Variants in ZNF717 observed in about 807,000 individuals in gnomAD.
The protein encoded by ZNF717 is zinc finger protein 717.
A neutral mutation model predicts 13.8 loss-of-function variants in ZNF717; 9 were observed. The observed-to-expected ratio is 0.65, with a 90% CI of 0.39 to 1.14. The LOEUF (loss-of-function observed/expected upper bound fraction) is 1.14. Among genes scored for constraint, ZNF717 ranks in the 50% most tolerant of loss-of-function variants. The probability of loss-of-function intolerance (pLI) is 0.01; values close to 1 mark genes in which losing one functional copy is unlikely to be tolerated. For synonymous variants in ZNF717, 327 were observed against 364.1 expected (o/e 0.90, Z 1.16); for missense variants, 1,040 against 1,080.7 (o/e 0.96, Z 0.53).
rs1209012219 is a variant in ZNF717, at chr3:75,738,040, G to A, written c.1583C>T (p.Thr528Ile). 2 of 1,342,110 alleles carry A rather than the reference G, an allele frequency of 1.5e-6. No homozygotes were observed. Among genetic ancestry groups the A allele is most frequent in the Non-Finnish European group, 2.0e-6 (2 of 1,006,186 alleles). 83.1% of individuals were successfully genotyped at this position (1,342,110 alleles called of 1,614,324 possible). Residue 528 changes from threonine (T) to isoleucine (I), a missense_variant, in exon 5 of 5, where the codon ACT becomes ATT. Coordinates refer to ENST00000652011, the MANE Select transcript of ZNF717 (RefSeq NM_001290208.3). ...CKSFLTVHQR[T>I]HAGEKPYACN... Reference sequence around the variant, plus strand: ...TGCGTATGGTTTTTCCCCAGCATGAGTTCTCTGATGGACAGTGAGGAATGA... The same window carrying A: ...TGCGTATGGTTTTTCCCCAGCATGAATTCTCTGATGGACAGTGAGGAATGA...
At chr3:75,724,624 T>C (rs1938239912) in intron 4 of ZNF717, among the ~76,000 whole-genome samples, 1 of 152,256 alleles carries the variant, frequency 6.6e-6, no homozygotes, top group Non-Finnish European at 1.5e-5. Context: ...ATGAAAATTA[T>C]ATTTTTTACT....
chr3:75,719,210 G>C (rs76261742), intron 4 of ZNF717, among the ~76,000 whole-genome samples: 1 of 151,282 alleles, frequency 6.6e-6, no homozygotes, highest in South Asian at 2.1e-4. Flanking sequence ...TGGGAGGATT[G>C]CTTGAGCTCA....
intron 1 of ZNF717, 39 bp downstream of exon 1, chr3:75,785,345 C>G (rs1052410955): frequency 1.3e-5 from 2 of 153,722 alleles, no homozygotes; most frequent in African/African-American, 4.8e-5. Flanking sequence ...GGACCCCACG[C>G]CTGTCCTCCC....
chr3:75,708,137 C>T (rs1204540298), downstream of ZNF717, among the ~76,000 whole-genome samples: 9 of 152,230 alleles, frequency 5.9e-5, no homozygotes, highest in African/African-American at 1.2e-4. Flanking sequence ...GATCTGAGAA[C>T]GGGCAGACTG....
At chr3:75,740,095 GTTCC>G (rs1940184797) in intron 4 of ZNF717, among the ~76,000 whole-genome samples, 1 of 135,658 alleles carries the variant, frequency 7.4e-6, no homozygotes, top group Non-Finnish European at 1.7e-5. Context: ...TGTATTTCTG[GTTCC>G]TTCTGAGATC....
At chr3:75,704,816 A>T (rs1186475907), downstream of ZNF717, among the ~76,000 whole-genome samples, 1 of 152,308 alleles carries the variant, frequency 6.6e-6, no homozygotes, top group African/African-American at 2.4e-5. Context: ...TCTGACTTTT[A>T]TCTGATTGCT....
chr3:75,747,200 T>C (rs1386629009), intron 2 of ZNF717, among the ~76,000 whole-genome samples: 7 of 152,228 alleles, frequency 4.6e-5, no homozygotes, highest in East Asian at 3.9e-4. Context: ...GAGGGCTCTG[T>C]TCTGTTCCAT....
At chr3:75,725,259 A>C (rs1487627697), downstream of ZNF717, among the ~76,000 whole-genome samples, 20 of 152,170 alleles carry the variant, frequency 1.3e-4, no homozygotes, top group African/African-American at 4.6e-4. Flanking sequence ...CTATATCTCT[A>C]AACAGGTAAC....
rs1942508251 is a variant in ZNF717, at chr3:75,756,639, T to TC, written c.58-14904dup. Among the ~76,000 whole-genome samples the TC allele has an allele frequency of 2.0e-5, 3 of 152,178 alleles. No homozygotes were observed. The South Asian group carries it at 6.2e-4, about 32-fold the overall frequency. Reference sequence around the variant, plus strand: ...TCTAGATAGAAGATTTAAAAAAAATTCCATTAAGCCTAAGCCTAACTCTCC... The same window carrying TC: ...TCTAGATAGAAGATTTAAAAAAAATTCCCATTAAGCCTAAGCCTAACTCTCC... On this transcript the variant is annotated intron_variant, in intron 2 of 4. Transcript: ENST00000652011.
At chr3:75,781,651 G>A (rs1350452698) in intron 2 of ZNF717, among the ~76,000 whole-genome samples, 2 of 152,104 alleles carry the variant, frequency 1.3e-5, no homozygotes, top group Admixed American at 6.6e-5. Context: ...AGACATCAAG[G>A]GCTCCTTACC....
chr3:75,721,592 A>C (rs1420215905), intron 4 of ZNF717, among the ~76,000 whole-genome samples: 4 of 152,170 alleles, frequency 2.6e-5, no homozygotes, highest in Admixed American at 6.5e-5. Flanking sequence ...GATGTTATTT[A>C]ATTTTTATTT....
At chr3:75,782,447 G>A (rs1328066141) in intron 2 of ZNF717, among the ~76,000 whole-genome samples, 1 of 152,222 alleles carries the variant, frequency 6.6e-6, no homozygotes, top group Non-Finnish European at 1.5e-5. Context: ...TGAGCAAGGA[G>A]CATACCTTAC....
chr3:75,765,035 A>ATATATGTATGTGTG (rs1559662069), intron 2 of ZNF717, among the ~76,000 whole-genome samples: 2 of 81,796 alleles, frequency 2.4e-5, no homozygotes, highest in Admixed American at 1.3e-4. Context: ...ATATATGTAT[A>ATATATGTATGTGTG]TGTGTGTGTG....
chr3:75,745,787 T>C (rs79639308), intron 2 of ZNF717, among the ~76,000 whole-genome samples: 1 of 151,924 alleles, frequency 6.6e-6, no homozygotes, highest in Non-Finnish European at 1.5e-5. Context: ...TGTTCAAAAA[T>C]GACAGGGTTT....
chr3:75,697,842 A>T (rs111433522), intron 6 of ZNF717, among the ~76,000 whole-genome samples: 9,125 of 152,006 alleles, frequency 0.06, no homozygotes, highest in African/African-American at 0.097. Flanking sequence ...GAAAAATGAG[A>T]GAAAGTTGAG....
chr3:75,700,601 T>A lies in ZNF717; in HGVS notation n.1085+10586A>T, dbSNP rs1169034354. 5.2e-5 allele frequency among the ~76,000 whole-genome samples: 8 copies of A among 152,416 alleles called. No homozygotes were observed. The East Asian group carries it at 1.5e-3, about 29-fold the overall frequency. ...GCATAAAAACAGACATAAAGACAGA[T>A]GGAATGAAATAGAGACCTTAGAAAC... On this transcript the variant is annotated intron_variant and non_coding_transcript_variant, in intron 6 of 6. Transcript: ENST00000648506.
intron 2 of ZNF717, among the ~76,000 whole-genome samples, chr3:75,747,305 C>T (rs1475914189): frequency 6.6e-6 from 1 of 152,116 alleles, no homozygotes; most frequent in Admixed American, 6.6e-5. Context: ...ATGCCTCCAG[C>T]TTTGTTCTTT....
intron 5 of ZNF717, among the ~76,000 whole-genome samples, chr3:75,713,603 A>G (rs79157457): frequency 6.6e-6 from 1 of 152,236 alleles, no homozygotes. Flanking sequence ...AAAAATCCAT[A>G]TAACATATCC....
At chr3:75,715,431 C>A (rs111288762) in intron 5 of ZNF717, among the ~76,000 whole-genome samples, 1 of 152,010 alleles carries the variant, frequency 6.6e-6, no homozygotes, top group African/African-American at 2.4e-5. Flanking sequence ...GCTAGACATA[C>A]CTTAGATTAT....
Sources: gnomAD v4.1 joint callset for allele counts (sites outside exome capture counted in the v4.1 genomes callset) on GRCh38, gnomAD v4.1.1 for gene constraint, MANE v1.5 for transcripts, NCBI Gene and HGNC (gene_info 2026-07-23, HGNC 2026-07-21) for gene names.